The following SGCD variants were observed in gnomAD, a reference collection of about 807,000 sequenced individuals.
SGCD encodes the protein sarcoglycan delta.
Under a neutral mutation model 36.6 loss-of-function variants are expected in SGCD, and 18 were observed. The observed-to-expected ratio is 0.49, with a 90% confidence interval of 0.34 to 0.73. The LOEUF (loss-of-function observed/expected upper bound fraction) is 0.73, where lower values mean the gene tolerates loss of function less well. Among genes scored for constraint, SGCD ranks in the 30% least tolerant of loss-of-function variants. The pLI is 0.01. For missense variants in SGCD, 387 were observed against 346.7 expected, an observed-to-expected ratio of 1.12 and a Z score of -0.92; for synonymous variants, 133 against 130.6, an observed-to-expected ratio of 1.02 and a Z score of -0.12.
At chr5:156,483,695 A>G (rs1026786086) in intron 3 of SGCD, among the ~76,000 whole-genome samples, 5 of 152,252 alleles carry the variant, frequency 3.3e-5, no homozygotes, top group Non-Finnish European at 7.3e-5. Context: ...CACATGGACT[A>G]TGGTGAGTAA....
In SGCD at chr5:156,070,209, A is replaced by G. The variant is rs543782833; in HGVS notation, c.-281-47669A>G. Among the ~76,000 whole-genome samples, 287 of 151,260 alleles carry G rather than the reference A, an allele frequency of 1.9e-3. 3 individuals carry two copies. The highest frequency in any genetic ancestry group is 6.9e-3 in the African/African-American group (279 of 40,568). On this transcript the variant is annotated intron_variant, in intron 1 of 9. Transcript: ENST00000517913. ...AGAGAGGGCATCCCTGTCTTGTGCC[A>G]GTTTTCAAAGGGAACGCTTCCAGTT...
At chr5:155,869,130 T>C (rs1315781674), upstream of SGCD, among the ~76,000 whole-genome samples, 1 of 152,172 alleles carries the variant, frequency 6.6e-6, no homozygotes, top group African/African-American at 2.4e-5. Flanking sequence ...GATTATTCCA[T>C]CATATACTTT....
upstream of SGCD, among the ~76,000 whole-genome samples, chr5:155,869,723 G>A (rs868421312): frequency 6.6e-6 from 1 of 152,008 alleles, no homozygotes. Context: ...CCTGCGGGCC[G>A]GGCATGGTGG....
chr5:156,469,516 A>G (rs1180842280), intron 3 of SGCD, among the ~76,000 whole-genome samples: 1 of 152,242 alleles, frequency 6.6e-6, no homozygotes, highest in Non-Finnish European at 1.5e-5. Flanking sequence ...AAAGGAGTGA[A>G]TATTAGTATT....
chr5:156,748,593 G>C (rs947241468), intron 7 of SGCD, among the ~76,000 whole-genome samples: 2 of 152,094 alleles, frequency 1.3e-5, no homozygotes, highest in African/African-American at 4.8e-5. Context: ...CCAATTCCAA[G>C]CTGGTATGCA....
intron 1 of SGCD, among the ~76,000 whole-genome samples, chr5:155,941,506 TTAAA>T (rs1757325525): frequency 6.6e-6 from 1 of 151,114 alleles, no homozygotes; most frequent in South Asian, 2.1e-4. Flanking sequence ...AATATTGATA[TTAAA>T]TAATTATATT....
chr5:156,566,932 T>C (rs892184228), intron 4 of SGCD, among the ~76,000 whole-genome samples: 11 of 152,064 alleles, frequency 7.2e-5, no homozygotes, highest in Admixed American at 5.9e-4. Context: ...TACTAGTGAG[T>C]TCTAATCTTT....
chr5:156,329,533 G>C lies in SGCD; in HGVS notation c.-43-1G>C, dbSNP rs767016855. 4.4e-6 allele frequency: 7 copies of C among 1,609,102 alleles called. No individual in the cohort carries two copies. The South Asian group carries it at 7.7e-5, about 18-fold the overall frequency. ...TTTTAACCCATATTTGTTCCTTGCAGAGACATTACTGCCGGGAGTGTTGAG... is the reference window on the plus strand; with the variant it reads ...TTTTAACCCATATTTGTTCCTTGCACAGACATTACTGCCGGGAGTGTTGAG... On this transcript the variant is annotated splice_acceptor_variant, in intron 1 of 8. Transcript: ENST00000337851. LOFTEE classifies it low-confidence loss of function (5UTR_SPLICE).
intron 1 of SGCD, among the ~76,000 whole-genome samples, chr5:156,077,118 C>T (rs1253500625): frequency 6.6e-6 from 1 of 152,166 alleles, no homozygotes; most frequent in African/African-American, 2.4e-5. Context: ...GTGACTGAAA[C>T]CAATTAATTA....
At chr5:155,855,158 A>G in the SGCD span, among the ~76,000 whole-genome samples, 2 of 152,166 alleles carry the variant, frequency 1.3e-5, no homozygotes, top group Non-Finnish European at 2.9e-5. Flanking sequence ...TTTTGGTGTT[A>G]GGGACTGCCC....
intron 3 of SGCD, among the ~76,000 whole-genome samples, chr5:156,372,408 G>A (rs564787005): frequency 6.6e-6 from 1 of 152,144 alleles, no homozygotes; most frequent in South Asian, 2.1e-4. Flanking sequence ...ATTCTCACCT[G>A]TAATCTTAGC....
chr5:156,164,819 C>G (rs1397874020), intron 3 of SGCD, among the ~76,000 whole-genome samples: 2 of 152,184 alleles, frequency 1.3e-5, no homozygotes, highest in Admixed American at 1.3e-4. Context: ...CAATATGGGT[C>G]TCAGCTCTCT....
intron 6 of SGCD, among the ~76,000 whole-genome samples, chr5:156,626,536 T>A (rs755896159): frequency 1.6e-4 from 24 of 152,166 alleles, no homozygotes; most frequent in Non-Finnish European, 2.8e-4. Context: ...CTGCCTCCTG[T>A]TCAGAGCAGT....
intron 1 of SGCD, among the ~76,000 whole-genome samples, chr5:155,892,309 A>G (rs1283499959): frequency 6.6e-6 from 1 of 152,036 alleles, no homozygotes; most frequent in Non-Finnish European, 1.5e-5. Flanking sequence ...TACAAAAATT[A>G]GCTGGGCATG....
intron 1 of SGCD, among the ~76,000 whole-genome samples, chr5:155,875,393 A>G (rs1755743645): frequency 6.6e-6 from 1 of 152,142 alleles, no homozygotes; most frequent in Non-Finnish European, 1.5e-5. Context: ...AGTTTCACAT[A>G]TGTCAGTTAT....
intron 4 of SGCD, among the ~76,000 whole-genome samples, chr5:156,587,657 T>G (rs1202227158): frequency 6.6e-6 from 1 of 152,124 alleles, no homozygotes; most frequent in African/African-American, 2.4e-5. Context: ...AAAAAGACAT[T>G]AGACAGCCCA....
At chr5:156,557,051 G>A (rs1235349176) in intron 4 of SGCD, among the ~76,000 whole-genome samples, 1 of 152,096 alleles carries the variant, frequency 6.6e-6, no homozygotes, top group African/African-American at 2.4e-5. Context: ...GGCTTTTGAG[G>A]ACTAGTGACT....
chr5:155,731,882 G>T, the SGCD span, among the ~76,000 whole-genome samples: 2 of 152,192 alleles, frequency 1.3e-5, no homozygotes, highest in African/African-American at 4.8e-5. Flanking sequence ...GATACACGTG[G>T]TGTAGATGGT....
intron 3 of SGCD, among the ~76,000 whole-genome samples, chr5:156,199,837 T>C (rs1764101820): frequency 6.6e-6 from 1 of 152,140 alleles, no homozygotes; most frequent in Admixed American, 6.6e-5. Context: ...ATAAATTCTG[T>C]AGATCTTGCC....
Sources: allele counts gnomAD v4.1 joint callset (sites outside exome capture counted in the v4.1 genomes callset), GRCh38; gene constraint gnomAD v4.1.1; transcripts MANE v1.5; gene names NCBI Gene and HGNC (gene_info 2026-07-23, HGNC 2026-07-21).